The following ATXN7L1 variants were observed in gnomAD, a reference collection of about 807,000 sequenced individuals.
ATXN7L1 encodes ataxin-7-like protein 1.
ATXN7L1 carries 15 observed loss-of-function variants against 70.8 expected under a neutral mutation model. The ratio of observed to expected loss-of-function variants is 0.21; its 90% CI spans 0.14 to 0.33. The LOEUF is 0.33. Among genes scored for constraint, ATXN7L1 ranks in the 10% least tolerant of loss-of-function variants. The probability of loss-of-function intolerance (pLI) is 1.00; values close to 1 mark genes in which losing one functional copy is unlikely to be tolerated. For missense variants in ATXN7L1, 975 were observed against 1,097.1 expected (o/e 0.89, Z 1.57); for synonymous variants, 440 against 445.1 (o/e 0.99, Z 0.14).
rs1811831825 is a variant in ATXN7L1, at chr7:105,832,923, C to T, written c.250+42889G>A. Among the ~76,000 whole-genome samples, 8 of 152,322 alleles carry T rather than the reference C, an allele frequency of 5.3e-5. No individual in the cohort carries two copies. In the South Asian group the frequency reaches 1.7e-3, roughly 32 times the overall value. ...GCTGCTAACCACATCCATTACTATC[C>T]CAGCACAAGCCTCCCTTTCTGACTT... On this transcript the variant is annotated intron_variant, in intron 2 of 11. Transcript: ENST00000419735.
chr7:105,619,528 ATATTTTTTTTTTTTTT>A (rs1794596563), intron 9 of ATXN7L1, among the ~76,000 whole-genome samples: 1 of 14,770 alleles, frequency 6.8e-5, no homozygotes, highest in African/African-American at 3.0e-4. Context: ...ATATATATAT[ATATTTTTTTTTTTTTT>A]TTTTTTTTTT....
At chr7:105,728,561 A>G (rs1182865509) in intron 3 of ATXN7L1, among the ~76,000 whole-genome samples, 1 of 152,206 alleles carries the variant, frequency 6.6e-6, no homozygotes, top group Non-Finnish European at 1.5e-5. Flanking sequence ...ATAAATACAC[A>G]GTTAGAAGAC....
chr7:105,847,454 G>A (rs1814225132), intron 2 of ATXN7L1, among the ~76,000 whole-genome samples: 1 of 152,158 alleles, frequency 6.6e-6, no homozygotes, highest in South Asian at 2.1e-4. Flanking sequence ...CTAGAGAACA[G>A]GTCCAGCTGA....
At position 105,706,155 on chromosome 7, in the gene ATXN7L1, T is replaced by C. The variant is rs150876358; in HGVS notation, c.356-40867A>G. On this transcript the variant is annotated intron_variant, in intron 3 of 11. Transcript: ENST00000419735. Reference sequence around the variant, plus strand: ...TTAGCCACTGTGCTTATTTTTTAACTTTAAGAGCATCATAGTTGTTTTTGT... The same window carrying C: ...TTAGCCACTGTGCTTATTTTTTAACCTTAAGAGCATCATAGTTGTTTTTGT... Among the ~76,000 whole-genome samples the C allele has an allele frequency of 2.0e-5, 3 of 152,304 alleles. No individual in the cohort carries two copies. The East Asian group carries it at 5.8e-4, about 29-fold the overall frequency.
At chr7:105,875,180 G>C (rs189405993) in intron 2 of ATXN7L1, 2 of 152,858 alleles carry the variant, frequency 1.3e-5, no homozygotes, top group African/African-American at 4.8e-5. Flanking sequence ...GCATATCTTG[G>C]TCTGGGATGA....
At chr7:105,790,185 TAG>T (rs1804931482) in intron 2 of ATXN7L1, among the ~76,000 whole-genome samples, 1 of 152,156 alleles carries the variant, frequency 6.6e-6, no homozygotes, top group Non-Finnish European at 1.5e-5. Context: ...CTAACAGGTA[TAG>T]AGTTTCTTTT....
At chr7:105,798,016 G>A (rs1204366) in intron 2 of ATXN7L1, among the ~76,000 whole-genome samples, 3 of 152,188 alleles carry the variant, frequency 2.0e-5, no homozygotes, top group African/African-American at 4.8e-5. Flanking sequence ...CTCTTCTCTC[G>A]AAAGGGGAAG....
At chr7:105,786,200 A>G (rs927175685) in intron 3 of ATXN7L1, among the ~76,000 whole-genome samples, 8 of 152,172 alleles carry the variant, frequency 5.3e-5, no homozygotes, top group African/African-American at 1.7e-4. Flanking sequence ...AGCTTAACGG[A>G]GACTGGGCTT....
chr7:105,719,294 G>A (rs1794921971), intron 3 of ATXN7L1, among the ~76,000 whole-genome samples: 1 of 152,132 alleles, frequency 6.6e-6, no homozygotes, highest in African/African-American at 2.4e-5. Context: ...TTCAGTCTGG[G>A]AGGCTCCCAC....
chr7:105,680,022 A>G (rs1584700529), intron 3 of ATXN7L1, among the ~76,000 whole-genome samples: 1 of 150,834 alleles, frequency 6.6e-6, no homozygotes, highest in East Asian at 1.9e-4. Flanking sequence ...AAACCTGGTT[A>G]TTACCTGATG....
chr7:105,710,790 C>T (rs1366317015), intron 3 of ATXN7L1, among the ~76,000 whole-genome samples: 1 of 152,174 alleles, frequency 6.6e-6, no homozygotes, highest in Non-Finnish European at 1.5e-5. Context: ...TGTGAGAACT[C>T]ACTCACTATC....
chr7:105,838,932 A>G (rs576523976), intron 2 of ATXN7L1, among the ~76,000 whole-genome samples: 4 of 152,340 alleles, frequency 2.6e-5, no homozygotes, highest in African/African-American at 9.6e-5. Flanking sequence ...CCAACAGAAA[A>G]GCAAAGGAAT....
At chr7:105,660,161 G>T (rs537805068) in intron 4 of ATXN7L1, among the ~76,000 whole-genome samples, 1 of 151,832 alleles carries the variant, frequency 6.6e-6, no homozygotes, top group African/African-American at 2.4e-5. Flanking sequence ...CTGTCACCAC[G>T]CCTCGCCTGG....
Position 105,605,559 on chromosome 7 carries a change from T to A in ATXN7L1, c.*2293A>T, listed in dbSNP as rs1246701927. 2.0e-5 allele frequency: 3 copies of A among 151,916 alleles called. No homozygotes were observed. Among genetic ancestry groups the A allele is most frequent in the African/African-American group, 7.2e-5 (3 of 41,398 alleles). 9.4% of individuals were successfully genotyped at this position (151,916 alleles called of 1,614,324 possible). On this transcript the variant is annotated 3_prime_UTR_variant, in exon 12 of 12. Transcript: ENST00000419735. ...ATGTCTAAACCTATTGAATTGCTCC[T>A]TTAGTCCTTGAGACATTATTTCTCA...
chr7:105,639,611 C>T (rs1250194978), intron 5 of ATXN7L1, 42 bp from the exon 6 acceptor site: 2 of 1,419,080 alleles, frequency 1.4e-6, no homozygotes, highest in Non-Finnish European at 1.9e-6. Flanking sequence ...AAAAAGGAGA[C>T]TAAATAGGAT....
At chr7:105,767,043 G>A (rs754275897) in intron 3 of ATXN7L1, among the ~76,000 whole-genome samples, 4 of 152,240 alleles carry the variant, frequency 2.6e-5, no homozygotes, top group Non-Finnish European at 5.9e-5. Context: ...CGGGCAGGAA[G>A]CAAGGGTTCC....
intron 2 of ATXN7L1, among the ~76,000 whole-genome samples, chr7:105,837,664 A>C (rs1481700530): frequency 6.6e-6 from 1 of 152,158 alleles, no homozygotes; most frequent in African/African-American, 2.4e-5. Flanking sequence ...AGAGCTGAGA[A>C]GGAGGTGAAC....
At chr7:105,829,537 G>A (rs1811314306) in intron 2 of ATXN7L1, among the ~76,000 whole-genome samples, 1 of 152,174 alleles carries the variant, frequency 6.6e-6, no homozygotes, top group Non-Finnish European at 1.5e-5. Context: ...ATGGAGGAAG[G>A]AGGGGAAATA....
intron 2 of ATXN7L1, among the ~76,000 whole-genome samples, chr7:105,796,240 G>A (rs1397104621): frequency 2.6e-5 from 4 of 152,222 alleles, no homozygotes; most frequent in Non-Finnish European, 4.4e-5. Context: ...GTGCGCACCT[G>A]TAGTCCCAGC....
Sources: allele counts gnomAD v4.1 joint callset (sites outside exome capture counted in the v4.1 genomes callset), GRCh38; gene constraint gnomAD v4.1.1; transcripts MANE v1.5; gene names NCBI Gene and HGNC (gene_info 2026-07-23, HGNC 2026-07-21).